The following ZNF804B variants were observed in gnomAD, a reference collection of about 807,000 sequenced individuals.
The protein encoded by ZNF804B is zinc finger protein 804B, also known as zinc finger 804B.
A neutral mutation model predicts 101.4 loss-of-function variants in ZNF804B; 80 were observed. That is an observed-to-expected ratio of 0.79 (90% CI 0.66 to 0.95). The LOEUF is 0.95. Ranked by LOEUF, ZNF804B falls within the 40% of genes least tolerant of loss-of-function variation. ZNF804B has a pLI of 0.00. For synonymous variants in ZNF804B, 622 were observed against 558.8 expected, an observed-to-expected ratio of 1.11 and a Z score of -1.59; for missense variants, 1,673 against 1,561.9, an observed-to-expected ratio of 1.07 and a Z score of -1.20.
chr7:89,211,812 G>T (rs1385024917), intron 1 of ZNF804B, among the ~76,000 whole-genome samples: 2 of 152,148 alleles, frequency 1.3e-5, no homozygotes, highest in Non-Finnish European at 2.9e-5. Flanking sequence ...GCTTAGGATT[G>T]TCATTGCTAC....
At chr7:88,836,848 G>GA (rs1220800429) in intron 1 of ZNF804B, among the ~76,000 whole-genome samples, 2 of 151,848 alleles carry the variant, frequency 1.3e-5, no homozygotes, top group Admixed American at 6.6e-5. Flanking sequence ...GCCGATGTAG[G>GA]AATCACTTCA....
intron 2 of ZNF804B, among the ~76,000 whole-genome samples, chr7:89,288,504 A>AT (rs1221280485): frequency 6.6e-6 from 1 of 152,222 alleles, no homozygotes; most frequent in Non-Finnish European, 1.5e-5. Flanking sequence ...AGAAGACCTT[A>AT]TAAGACAGGT....
chr7:89,052,202 A>G (rs920521370), intron 1 of ZNF804B, among the ~76,000 whole-genome samples: 1 of 152,042 alleles, frequency 6.6e-6, no homozygotes, highest in African/African-American at 2.4e-5. Context: ...CAGTGGTGTG[A>G]TTATGACTCA....
chr7:89,098,594 G>T (rs998383344), intron 1 of ZNF804B, among the ~76,000 whole-genome samples: 9 of 151,950 alleles, frequency 5.9e-5, no homozygotes, highest in Admixed American at 3.9e-4. Context: ...TTTTAATGAA[G>T]AAACTGAGAT....
At chr7:89,141,412 T>C (rs1381423808) in intron 1 of ZNF804B, among the ~76,000 whole-genome samples, 5 of 152,012 alleles carry the variant, frequency 3.3e-5, no homozygotes, top group Admixed American at 3.3e-4. Context: ...TAAAGTGTGG[T>C]ATCTTGTTCA....
intron 2 of ZNF804B, among the ~76,000 whole-genome samples, chr7:89,272,709 A>G (rs71557043): frequency 0.12 from 18,542 of 152,136 alleles, 1,208 homozygotes; most frequent in Middle Eastern, 0.26. Flanking sequence ...GGAGAAGGGA[A>G]AAAATGCTTT....
intron 2 of ZNF804B, among the ~76,000 whole-genome samples, chr7:89,231,285 C>A (rs1789187344): frequency 6.6e-6 from 1 of 151,960 alleles, no homozygotes. Context: ...TTTCTAGATT[C>A]TCTATTTCAT....
chr7:88,773,917 C>T (rs1435179001), intron 1 of ZNF804B, among the ~76,000 whole-genome samples: 2 of 152,082 alleles, frequency 1.3e-5, no homozygotes. Context: ...ACACCTCTCA[C>T]CAGGCCCCAC....
At chr7:88,825,256 AGTG>A (rs1035472973) in intron 1 of ZNF804B, among the ~76,000 whole-genome samples, 4 of 152,168 alleles carry the variant, frequency 2.6e-5, no homozygotes, top group African/African-American at 9.7e-5. Context: ...AGGTCCTGGC[AGTG>A]GTGGTGGTAA....
chr7:89,224,449 A>G (rs1789050453), intron 2 of ZNF804B, among the ~76,000 whole-genome samples: 1 of 152,044 alleles, frequency 6.6e-6, no homozygotes, highest in Admixed American at 6.6e-5. Context: ...AAAATTGCTA[A>G]AAGAATTTAA....
intron 1 of ZNF804B, among the ~76,000 whole-genome samples, chr7:89,154,266 C>T (rs952874315): frequency 6.6e-6 from 1 of 152,128 alleles, no homozygotes; most frequent in Non-Finnish European, 1.5e-5. Context: ...AAAGGGAACA[C>T]TTATACACCA....
intron 1 of ZNF804B, among the ~76,000 whole-genome samples, chr7:89,156,870 A>T (rs1444363286): frequency 1.3e-5 from 2 of 152,178 alleles, no homozygotes; most frequent in African/African-American, 4.8e-5. Flanking sequence ...TTTTTCAAAG[A>T]TGGCAATTAC....
intron 2 of ZNF804B, among the ~76,000 whole-genome samples, chr7:89,226,302 A>G (rs1025319172): frequency 1.3e-5 from 2 of 152,124 alleles, no homozygotes; most frequent in Non-Finnish European, 2.9e-5. Context: ...TCAAATATTT[A>G]TGTATAAGGA....
chr7:88,966,817 C>T (rs950382481), intron 1 of ZNF804B, among the ~76,000 whole-genome samples: 2 of 151,334 alleles, frequency 1.3e-5, no homozygotes, highest in African/African-American at 4.8e-5. Flanking sequence ...AAAAAACATT[C>T]TCAGTTCAAT....
chr7:88,932,726 A>G (rs377497766), intron 1 of ZNF804B, among the ~76,000 whole-genome samples: 18 of 151,930 alleles, frequency 1.2e-4, no homozygotes, highest in African/African-American at 4.3e-4. Flanking sequence ...CAGACCAATA[A>G]CAAGCAGCGA....
At chr7:89,222,564 T>G (rs2115714644) in intron 2 of ZNF804B, among the ~76,000 whole-genome samples, 1 of 152,106 alleles carries the variant, frequency 6.6e-6, no homozygotes, top group African/African-American at 2.4e-5. Context: ...TGACTCCGTT[T>G]CCAGATTTAT....
intron 1 of ZNF804B, among the ~76,000 whole-genome samples, chr7:88,891,108 G>T (rs892365487): frequency 1.7e-4 from 26 of 152,050 alleles, no homozygotes; most frequent in African/African-American, 6.3e-4. Flanking sequence ...ACATGTAAGA[G>T]ACCCTCAATA....
At chr7:88,801,811 T>A (rs941667036) in intron 1 of ZNF804B, among the ~76,000 whole-genome samples, 2 of 152,282 alleles carry the variant, frequency 1.3e-5, no homozygotes, top group Non-Finnish European at 2.9e-5. Flanking sequence ...ACTACTATGA[T>A]GCCCTTGAAA....
In ZNF804B at chr7:89,003,274, G is replaced by C. The variant is rs553567622; in HGVS notation, c.109-214881G>C. ...AGGAGACAGTGCCATAGTGAAATAT[G>C]GGACTAAGGCACTGCAGATTTAGCC... is the stretch of plus-strand genomic sequence containing the variant. On this transcript the variant is annotated intron_variant, in intron 1 of 3. Coordinates refer to ENST00000333190, the MANE Select transcript of ZNF804B (RefSeq NM_181646.5). 4.5e-4 allele frequency among the ~76,000 whole-genome samples: 68 copies of C among 152,070 alleles called. No homozygotes were observed. The South Asian group carries it at 0.014, about 31-fold the overall frequency.
Sources: gnomAD v4.1 joint callset for allele counts (sites outside exome capture counted in the v4.1 genomes callset) on GRCh38, gnomAD v4.1.1 for gene constraint, MANE v1.5 for transcripts, NCBI Gene and HGNC (gene_info 2026-07-23, HGNC 2026-07-21) for gene names.